ATG9A: variants seen among roughly 807,000 people sequenced by gnomAD.
ATG9A encodes the protein autophagy related 9A, also known as autophagy-related protein 9A.
ATG9A carries 21 observed loss-of-function variants against 87.1 expected under a neutral mutation model. The ratio of observed to expected loss-of-function variants is 0.24; its 90% CI spans 0.17 to 0.35. The LOEUF (loss-of-function observed/expected upper bound fraction) is 0.35, where lower values mean the gene tolerates loss of function less well. Ranked by LOEUF, ATG9A falls within the 10% of genes least tolerant of loss-of-function variation. The pLI, the probability that ATG9A is intolerant of heterozygous loss-of-function variation, is 1.00. For missense variants in ATG9A, 836 were observed against 1,107.3 expected, an observed-to-expected ratio of 0.76 and a Z score of 3.48; for synonymous variants, 422 against 441.3, an observed-to-expected ratio of 0.96 and a Z score of 0.55.
At chr2:219,226,296 C>CAA (rs1329738611) in intron 5 of ATG9A, among the ~76,000 whole-genome samples, 13 of 152,150 alleles carry the variant, frequency 8.5e-5, no homozygotes, top group African/African-American at 2.9e-4. Context: ...TTTTTAGAGC[C>CAA]TCCTAAAGTG....
At chr2:219,225,977 A>T (rs1950852726) in intron 5 of ATG9A, among the ~76,000 whole-genome samples, 1 of 152,180 alleles carries the variant, frequency 6.6e-6, no homozygotes, top group Non-Finnish European at 1.5e-5. Flanking sequence ...CTCTCCCAGG[A>T]GGCTCTCTGC....
intron 13 of ATG9A, among the ~76,000 whole-genome samples, chr2:219,221,825 AAGG>A (rs772161780): frequency 7.9e-5 from 12 of 152,082 alleles, no homozygotes; most frequent in Non-Finnish European, 1.2e-4. Context: ...ACCCAAGAAG[AAGG>A]AGGAGGCCAT....
At position 219,220,246 on chromosome 2, in the gene ATG9A, C is replaced by T. The variant is rs1298677819; in HGVS notation, c.*201G>A. The T allele has an allele frequency of 6.3e-6, 4 of 637,466 alleles. No homozygotes were observed. Among genetic ancestry groups the T allele is most frequent in the Non-Finnish European group, 1.1e-5 (4 of 374,948 alleles). 39.5% of individuals were successfully genotyped at this position (637,466 alleles called of 1,614,324 possible). On this transcript the variant is annotated 3_prime_UTR_variant, in exon 16 of 16. Transcript: ENST00000361242. ...GGATGAGGCTAGAGTCCCGTGTGCC[C>T]TCGGTTCCTAGGCCCCAAATTCCTC... is the stretch of plus-strand genomic sequence containing the variant.
Position 219,222,035 on chromosome 2 carries a change from T to C in ATG9A, c.2145+15A>G, listed in dbSNP as rs367762210. ...CATCTAAACCCTCTACTCTCTTTTT[T>C]AGCTGTGCACTCACCTGGTGCATAT... On this transcript the variant is annotated intron_variant, in intron 13 of 15. Coordinates refer to ENST00000361242, the MANE Select transcript of ATG9A (RefSeq NM_001077198.3). This position sits in a 1 kb window ranked among gnomAD's most constrained non-coding sequence, Gnocchi z 4.3. The C allele has an allele frequency of 5.0e-5, 81 of 1,608,848 alleles. No individual in the cohort carries two copies. Among genetic ancestry groups the C allele is most frequent in the Non-Finnish European group, 6.1e-5 (72 of 1,176,724 alleles).
intron 15 of ATG9A, 112 bp from the exon 16 acceptor site, chr2:219,220,564 G>A: frequency 6.5e-7 from 1 of 1,536,538 alleles, no homozygotes; most frequent in Non-Finnish European, 8.9e-7. Flanking sequence ...TCCTGGGGAG[G>A]TAAGGTAAGG....
At chr2:219,226,610 C>T (rs1200582318) in intron 5 of ATG9A, among the ~76,000 whole-genome samples, 1 of 152,026 alleles carries the variant, frequency 6.6e-6, no homozygotes, top group Non-Finnish European at 1.5e-5. Context: ...ATCACTTGAA[C>T]CTGGGAGGCA....
At chr2:219,220,530 G>A (rs1055991571) in intron 15 of ATG9A, 78 bp from the exon 16 acceptor site, 13 of 1,588,844 alleles carry the variant, frequency 8.2e-6, no homozygotes, top group African/African-American at 2.7e-5. Flanking sequence ...GAAACCTAGA[G>A]GTAAAGGGAC....
At chr2:219,225,615 G>A in intron 5 of ATG9A, 43 bp from the exon 6 acceptor site, 2 of 1,597,772 alleles carry the variant, frequency 1.3e-6, no homozygotes, top group African/African-American at 1.3e-5. Context: ...GAGCCAGAGA[G>A]GCTCCAGTGA....
At chr2:219,227,071 AC>A in intron 4 of ATG9A, 138 bp from the exon 5 acceptor site, 1 of 720,496 alleles carries the variant, frequency 1.4e-6, no homozygotes, top group Non-Finnish European at 2.5e-6. Flanking sequence ...ACCTGTCTAA[AC>A]TTTTGTCTGT....
Position 219,223,992 on chromosome 2 carries a change from G to A in ATG9A, c.1296C>T (p.Phe432=), listed in dbSNP as rs1180700969. The change falls in exon 9 of 16, where the codon TTC becomes TTT. Residue 432 remains phenylalanine (F), a synonymous_variant. Coordinates refer to ENST00000361242, the MANE Select transcript of ATG9A (RefSeq NM_001077198.3). This position sits in a 1 kb window ranked among gnomAD's most constrained non-coding sequence, Gnocchi z 4.7. ...RSFIPDQHMV[F]CPEQLLRVIL... ...TCACGCGGAGCAGCTGCTCAGGGCA[G>A]AACACCATGTGCTGGTCCGGGATAA... 1.2e-6 allele frequency: 2 copies of A among 1,613,266 alleles called. No homozygotes were observed. The highest frequency in any genetic ancestry group is 1.3e-5 in the African/African-American group (1 of 74,930).
chr2:219,223,905 G>C lies in ATG9A; in HGVS notation c.1383C>G (p.Thr461=), dbSNP rs370677036. 4.0e-5 allele frequency: 65 copies of C among 1,614,148 alleles called. 2 individuals carry two copies. Among genetic ancestry groups the C allele is most frequent in the African/African-American group, 4.0e-4 (30 of 75,038 alleles). The part of the protein sequence containing the change: ...HWQGNAHRSQ[T]RDEFAQLFQY... ...GGAAGAGCTGGGCAAACTCGTCCCGGGTCTGCGAGCGGTGGGCATTACCCT... is the reference window on the plus strand; with the variant it reads ...GGAAGAGCTGGGCAAACTCGTCCCGCGTCTGCGAGCGGTGGGCATTACCCT... Residue 461 remains threonine, a synonymous_variant, in exon 9 of 16, where the codon ACC becomes ACG. Transcript: ENST00000361242. This position sits in a 1 kb window ranked among gnomAD's most constrained non-coding sequence, Gnocchi z 4.7.
Position 219,224,966 on chromosome 2 carries a change from C to T in ATG9A, c.516+105G>A, listed in dbSNP as rs1204261608. On this transcript the variant is annotated intron_variant, in intron 7 of 15. Coordinates refer to ENST00000361242, the MANE Select transcript of ATG9A (RefSeq NM_001077198.3). This position sits in a 1 kb window ranked among gnomAD's most constrained non-coding sequence, Gnocchi z 7.7. Reference sequence around the variant, plus strand: ...GGGGTTGTGAGCTTAAGAGACAGTTCCTGATTTGTCAATGACAGATAAGGA... The same window carrying T: ...GGGGTTGTGAGCTTAAGAGACAGTTTCTGATTTGTCAATGACAGATAAGGA... 2.5e-6 allele frequency: 4 copies of T among 1,574,624 alleles called. No homozygotes were observed. The East Asian group carries it at 6.7e-5, about 27-fold the overall frequency.
chr2:219,222,751 T>A lies in ATG9A; in HGVS notation c.1742A>T (p.Lys581Met). 1 of 1,614,148 alleles carries A rather than the reference T, an allele frequency of 6.2e-7. No individual in the cohort carries two copies. Among genetic ancestry groups the A allele is most frequent in the Non-Finnish European group, 8.5e-7 (1 of 1,180,014 alleles). ...RESTAFLGFL[K>M]EQVQRDGAAA... ...TGCTCCATCCCGCTGAACCTGCTCC[T>A]TGAGGAAGCCTAGGAAGGCTGTGCT... The change falls in exon 11 of 16, where the codon AAG becomes ATG. Residue 581 changes from lysine (K) to methionine (M), a missense_variant. By Grantham distance (95) the Lys-to-Met change is moderately conservative. This residue lies in a region of ATG9A where 324 missense variants were observed against 347.6 expected (regional missense o/e 0.93). Transcript: ENST00000361242. The surrounding 1 kb of genome is among the most constrained non-coding windows in gnomAD (Gnocchi z 4.3).
In ATG9A at chr2:219,223,036, C is replaced by A. The variant is rs890036741; in HGVS notation, c.1600-143G>T. On this transcript the variant is annotated intron_variant, in intron 10 of 15. Transcript: ENST00000361242. The surrounding 1 kb of genome is among the most constrained non-coding windows in gnomAD (Gnocchi z 4.7). ...CTTTCCCAGGGCACTGGTGCCCCCC[C>A]AGACCCAGGAGGGGCTGCACTGCAT... 4.5e-6 allele frequency: 5 copies of A among 1,114,658 alleles called. No homozygotes were observed. The Admixed American group carries it at 7.1e-5, about 16-fold the overall frequency. 69.0% of individuals were successfully genotyped at this position (1,114,658 alleles called of 1,614,324 possible).
chr2:219,222,678 A>G lies in ATG9A; in HGVS notation c.1815T>C (p.Phe605=), dbSNP rs1395624776. 6.2e-7 allele frequency: 1 copy of G among 1,614,194 alleles called. No individual in the cohort carries two copies. Among genetic ancestry groups the G allele is most frequent in the South Asian group, 1.1e-5 (1 of 91,078 alleles). ...QGGLLPENAL[F]TSIQSLQSES... is the part of the protein sequence containing the mutation. ...CAGATTGTAAGGACTGGATAGACGT[A>G]AAGAGGGCATTTTCAGGGAGCAGAC... Residue 605 remains phenylalanine, a synonymous_variant, in exon 11 of 16, where the codon TTT becomes TTC. Coordinates refer to ENST00000361242, the MANE Select transcript of ATG9A (RefSeq NM_001077198.3). The surrounding 1 kb of genome is among the most constrained non-coding windows in gnomAD (Gnocchi z 4.3).
intron 2 of ATG9A, 94 bp downstream of exon 2, chr2:219,228,340 T>C (rs1297436600): frequency 7.1e-5 from 23 of 325,370 alleles, no homozygotes; most frequent in Non-Finnish European, 1.1e-4. Flanking sequence ...GAAGAGTCCC[T>C]CCCCCGCCCA....
In ATG9A at chr2:219,219,665, A is replaced by T. The variant is rs1271742430; in HGVS notation, c.*782T>A. On this transcript the variant is annotated 3_prime_UTR_variant, in exon 16 of 16. Transcript: ENST00000361242. Reference sequence around the variant, plus strand: ...GTCACCCTCCAGCCCGGTCTGTCCCATGTGCAGGTGATGGGGGGTACGATA... The same window carrying T: ...GTCACCCTCCAGCCCGGTCTGTCCCTTGTGCAGGTGATGGGGGGTACGATA... The T allele has an allele frequency of 6.6e-6, 1 of 152,502 alleles. No homozygotes were observed. Among genetic ancestry groups the T allele is most frequent in the African/African-American group, 2.4e-5 (1 of 41,456 alleles). 9.4% of individuals were successfully genotyped at this position (152,502 alleles called of 1,614,324 possible).
At position 219,220,841 on chromosome 2, in the gene ATG9A, C is replaced by G. The variant is rs200198240; in HGVS notation, c.2420G>C (p.Gly807Ala). The G allele has an allele frequency of 6.2e-7, 1 of 1,613,436 alleles. No homozygotes were observed. The highest frequency in any genetic ancestry group is 1.3e-5 in the African/African-American group (1 of 74,962). The change falls in exon 15 of 16, where the codon GGA becomes GCA. Residue 807 changes from glycine to alanine, a missense_variant. Gly to Ala is a moderately conservative substitution (Grantham distance 60). Transcript: ENST00000361242. ...VPSHFSRLPL[G>A]GWAEDGQSAS... ...CGACTGCCCATCTTCTGCCCACCCT[C>G]CAAGAGGCAGCCGAGAGAAATGAGA...
rs1191371075 is a variant in ATG9A at position 219,226,944 on chromosome 2, TAAGAA to T, written c.148-16_148-12del. 1 of 1,608,728 alleles carries T rather than the reference TAAGAA, an allele frequency of 6.2e-7. No homozygotes were observed. Among genetic ancestry groups the T allele is most frequent in the East Asian group, 2.2e-5 (1 of 44,864 alleles). ...GTGCAGATTATAAACGTGTAATTGTTAAGAAAAAGTAGTCAGTAAAGAAAGCAGGT... is the reference window on the plus strand; with the variant it reads ...GTGCAGATTATAAACGTGTAATTGTTAAAGTAGTCAGTAAAGAAAGCAGGT... On this transcript the variant is annotated splice_polypyrimidine_tract_variant and intron_variant, in intron 4 of 15. Transcript: ENST00000361242.
Sources: allele counts gnomAD v4.1 joint callset (sites outside exome capture counted in the v4.1 genomes callset), GRCh38; gene constraint gnomAD v4.1.1; regional missense constraint gnomAD v4.1.1; non-coding constraint Gnocchi (gnomAD v3.1); transcripts MANE v1.5; gene names NCBI Gene and HGNC (gene_info 2026-07-23, HGNC 2026-07-21).